Variants in HNF1A observed in about 807,000 individuals in gnomAD.
The protein encoded by HNF1A is HNF1 homeobox A.
HNF1A carries 21 observed loss-of-function variants against 62.2 expected under a neutral mutation model. The ratio of observed to expected loss-of-function variants is 0.34; its 90% confidence interval spans 0.24 to 0.49. The LOEUF (loss-of-function observed/expected upper bound fraction) is 0.49, where lower values mean the gene tolerates loss of function less well. Among genes scored for constraint, HNF1A ranks in the 20% least tolerant of loss-of-function variants. The pLI, the probability that HNF1A is intolerant of heterozygous loss-of-function variation, is 0.99. For missense variants in HNF1A, 687 were observed against 832.3 expected (o/e 0.83, Z 2.15); for synonymous variants, 374 against 366.8 (o/e 1.02, Z -0.22).
chr12:120,990,608 GAGGAAAGAT>G (rs1242635500), intron 2 of HNF1A, among the ~76,000 whole-genome samples: 26 of 130,748 alleles, frequency 2.0e-4, no homozygotes, highest in African/African-American at 5.5e-4. Context: ...ATAGGAAAGG[GAGGAAAGAT>G]AGGAAAGGGA....
chr12:120,979,937 C>T (rs539489545), intron 1 of HNF1A, among the ~76,000 whole-genome samples: 1 of 152,190 alleles, frequency 6.6e-6, no homozygotes, highest in South Asian at 2.1e-4. Context: ...GCCAACCCAC[C>T]TCCCACCTAG....
chr12:120,996,621 C>G lies in HNF1A; in HGVS notation c.1188C>G (p.Leu396=), dbSNP rs1425300803. The G allele has an allele frequency of 6.2e-7, 1 of 1,613,992 alleles. No individual in the cohort carries two copies. The highest frequency in any genetic ancestry group is 8.5e-7 in the Non-Finnish European group (1 of 1,180,024). ...GCTTGGAGCAGACATCCCCAGGCCT[C>G]AACCAGCAGCCCCAGAACCTCATCA... is the stretch of plus-strand genomic sequence containing the variant. ...LHSLEQTSPG[L]NQQPQNLIMA... is the part of the protein sequence containing the mutation. Residue 396 remains leucine (L), a synonymous_variant, in exon 6 of 10, where the codon CTC becomes CTG. Transcript: ENST00000257555. This position sits in a 1 kb window ranked among gnomAD's most constrained non-coding sequence, Gnocchi z 4.5.
chr12:120,983,488 TAG>T (rs920014544), intron 1 of HNF1A, among the ~76,000 whole-genome samples: 4 of 152,036 alleles, frequency 2.6e-5, no homozygotes, highest in Non-Finnish European at 4.4e-5. Context: ...TCAAACCCAT[TAG>T]AGTCAAAGCA....
intron 1 of HNF1A, among the ~76,000 whole-genome samples, chr12:120,985,619 C>T (rs1297489135): frequency 6.6e-6 from 1 of 152,082 alleles, no homozygotes; most frequent in East Asian, 1.9e-4. Context: ...CTACAGTGAG[C>T]TATGATCACG....
intron 7 of HNF1A, chr12:120,997,899 C>T (rs1033882036): frequency 7.3e-6 from 5 of 686,054 alleles, no homozygotes; most frequent in Middle Eastern, 2.4e-4. Context: ...GGGTGTGTAT[C>T]GGTTGTGCAT....
intron 2 of HNF1A, among the ~76,000 whole-genome samples, chr12:120,992,402 T>G (rs1876883101): frequency 1.3e-5 from 2 of 152,208 alleles, no homozygotes; most frequent in Admixed American, 1.3e-4. Context: ...TTTTATTTAT[T>G]TTATTTTTTG....
chr12:121,001,328 T>C lies in HNF1A; in HGVS notation c.*136T>C. The C allele has an allele frequency of 9.3e-7, 1 of 1,076,556 alleles. No homozygotes were observed. Among genetic ancestry groups the C allele is most frequent in the South Asian group, 1.5e-5 (1 of 68,626 alleles). The allele number at this position is 1,076,556 out of a possible 1,614,324, so 66.7% of individuals were successfully genotyped here. A position where few individuals can be genotyped will look rare whatever the true frequency, so the allele number is the denominator to read the frequency against. On this transcript the variant is annotated 3_prime_UTR_variant, in exon 10 of 10. Coordinates refer to ENST00000257555, the MANE Select transcript of HNF1A (RefSeq NM_000545.8). ...GACAGCTGTGCCTCGCTCCCCACTCTGCTCTGATGCATCAGAAAGGGAGGG... is the reference window on the plus strand; with the variant it reads ...GACAGCTGTGCCTCGCTCCCCACTCCGCTCTGATGCATCAGAAAGGGAGGG...
intron 6 of HNF1A, chr12:120,997,083 C>T: frequency 7.1e-7 from 1 of 1,406,972 alleles, no homozygotes; most frequent in Non-Finnish European, 9.3e-7. Context: ...GCCCAGAAAG[C>T]CCTTATTTGC....
intron 1 of HNF1A, among the ~76,000 whole-genome samples, chr12:120,982,445 A>G (rs955876700): frequency 1.3e-5 from 2 of 151,272 alleles, no homozygotes; most frequent in East Asian, 2.0e-4. Flanking sequence ...TCAGGAAAAC[A>G]GTAGCCACGG....
chr12:121,001,999 G>T lies in HNF1A; in HGVS notation c.*807G>T. 1.9e-6 allele frequency: 1 copy of T among 536,706 alleles called. No homozygotes were observed. Among genetic ancestry groups the T allele is most frequent in the African/African-American group, 1.9e-5 (1 of 54,008 alleles). The allele number at this position is 536,706 out of a possible 1,614,324, so 33.2% of individuals were successfully genotyped here. ...GGGCTGGGAAGTCGTCCTTACTCCTGTGGGAGCCTCGCAACCCGTGCCAAG... is the reference window on the plus strand; with the variant it reads ...GGGCTGGGAAGTCGTCCTTACTCCTTTGGGAGCCTCGCAACCCGTGCCAAG... On this transcript the variant is annotated 3_prime_UTR_variant, in exon 10 of 10. Coordinates refer to ENST00000257555, the MANE Select transcript of HNF1A (RefSeq NM_000545.8).
Position 120,997,607 on chromosome 12 carries a change from G to A in HNF1A, c.1443G>A (p.Gln481=), listed in dbSNP as rs2135847980. 2 of 1,613,712 alleles carry A rather than the reference G, an allele frequency of 1.2e-6. No individual in the cohort carries two copies. Among genetic ancestry groups the A allele is most frequent in the South Asian group, 1.1e-5 (1 of 91,014 alleles). ...SYQQPLMPPV[Q]SHVTQSPFMA... The stretch of plus-strand genomic sequence containing the variant: ...AGCAGCCGCTCATGCCACCTGTGCA[G>A]AGCCATGTGACCCAGAGCCCCTTCA... Residue 481 remains glutamine, a synonymous_variant, in exon 7 of 10, where the codon CAG becomes CAA. Transcript: ENST00000257555.
At chr12:120,989,922 C>G (rs1214401528) in intron 2 of HNF1A, among the ~76,000 whole-genome samples, 2 of 151,932 alleles carry the variant, frequency 1.3e-5, no homozygotes, top group African/African-American at 4.8e-5. Flanking sequence ...GCAGAAGGAA[C>G]AGCATCAGTA....
intron 3 of HNF1A, among the ~76,000 whole-genome samples, chr12:120,993,945 A>G (rs968787416): frequency 2.0e-5 from 3 of 152,162 alleles, no homozygotes; most frequent in Admixed American, 2.0e-4. Context: ...GATTCTCTCT[A>G]CAATCCTATG....
chr12:120,992,477 C>T (rs188999324), intron 2 of HNF1A, among the ~76,000 whole-genome samples: 1 of 152,332 alleles, frequency 6.6e-6, no homozygotes, highest in East Asian at 1.9e-4. Context: ...ATCCCTGCCT[C>T]AGCCTCTTAA....
chr12:120,985,630 C>T (rs925002680), intron 1 of HNF1A, among the ~76,000 whole-genome samples: 1 of 152,022 alleles, frequency 6.6e-6, no homozygotes, highest in Non-Finnish European at 1.5e-5. Flanking sequence ...TATGATCACG[C>T]CACTGTGCTC....
At chr12:120,979,472 C>A in intron 1 of HNF1A, 1 of 253,920 alleles carries the variant, frequency 3.9e-6, no homozygotes, top group Non-Finnish European at 7.7e-6. Flanking sequence ...CAGACCCTAA[C>A]TCCTGCACTG....
At chr12:120,986,426 C>G (rs967325349) in intron 1 of HNF1A, among the ~76,000 whole-genome samples, 1 of 152,208 alleles carries the variant, frequency 6.6e-6, no homozygotes, top group Non-Finnish European at 1.5e-5. Flanking sequence ...CATTTGTCAC[C>G]TGTGCCAATA....
chr12:120,978,811 G>A lies in HNF1A; in HGVS notation c.43G>A (p.Ala15Thr), dbSNP rs1265717222. The A allele has an allele frequency of 6.2e-7, 1 of 1,613,130 alleles. No homozygotes were observed. The highest frequency in any genetic ancestry group is 2.2e-5 in the East Asian group (1 of 44,868). The change falls in exon 1 of 10, where the codon GCC becomes ACC. Residue 15 changes from alanine (A) to threonine (T), a missense_variant. Coordinates refer to ENST00000257555, the MANE Select transcript of HNF1A (RefSeq NM_000545.8). ...LSQLQTELLA[A>T]LLESGLSKEA... The stretch of plus-strand genomic sequence containing the variant: ...CCAGCTGCAGACGGAGCTCCTGGCG[G>A]CCCTGCTCGAGTCAGGGCTGAGCAA...
rs141830212 is a variant in HNF1A at position 120,993,257 on chromosome 12, A to C, written c.527-263A>C. Among the ~76,000 whole-genome samples, 157 of 152,344 alleles carry C rather than the reference A, an allele frequency of 1.0e-3. 1 individual carries two copies. Among genetic ancestry groups the C allele is most frequent in the Non-Finnish European group, 1.7e-3 (117 of 68,036 alleles). The stretch of plus-strand genomic sequence containing the variant: ...GCTTACCTGCAGTCTTGTACTGAGA[A>C]GGATGGTGAGATCATATCTTGGGTT... On this transcript the variant is annotated intron_variant, in intron 2 of 9. Transcript: ENST00000257555.
Sources: gnomAD v4.1 joint callset for allele counts (sites outside exome capture counted in the v4.1 genomes callset) on GRCh38, gnomAD v4.1.1 for gene constraint, Gnocchi (gnomAD v3.1) non-coding constraint, MANE v1.5 for transcripts, NCBI Gene and HGNC (gene_info 2026-07-23, HGNC 2026-07-21) for gene names.